RILPL1: variants seen among roughly 807,000 people sequenced by gnomAD.
RILPL1 encodes the protein RILP-like protein 1.
Under a neutral mutation model 50.3 loss-of-function variants are expected in RILPL1, and 33 were observed. The observed-to-expected ratio is 0.66, with a 90% CI of 0.50 to 0.88. RILPL1 has a LOEUF of 0.88. Among genes scored for constraint, RILPL1 ranks in the 40% least tolerant of loss-of-function variants. The pLI, the probability that RILPL1 is intolerant of heterozygous loss-of-function variation, is 0.00. For synonymous variants in RILPL1, 205 were observed against 228.6 expected (o/e 0.90, Z 0.93); for missense variants, 418 against 542.5 (o/e 0.77, Z 2.28).
intron 1 of RILPL1, among the ~76,000 whole-genome samples, chr12:123,529,873 C>A (rs374912307): frequency 1.5e-3 from 199 of 129,768 alleles, no homozygotes; most frequent in Middle Eastern, 3.8e-3. Flanking sequence ...GTCCCTGACT[C>A]AAAAAAAAAA....
chr12:123,470,495 G>T lies in RILPL1; in HGVS notation c.*2043C>A, dbSNP rs1180940488. 1 of 142,558 alleles carries T rather than the reference G, an allele frequency of 7.0e-6. No homozygotes were observed. The highest frequency in any genetic ancestry group is 1.5e-5 in the Non-Finnish European group (1 of 67,096). 8.8% of individuals were successfully genotyped at this position (142,558 alleles called of 1,614,324 possible). A position where few individuals can be genotyped will look rare whatever the true frequency, so the allele number is the denominator to read the frequency against. ...GTCCAAAAAAAAAAAAAAAAAAAAG[G>T]CCAGCCACAGTGGCTCACACCTGTA... On this transcript the variant is annotated 3_prime_UTR_variant, in exon 7 of 7. Coordinates refer to ENST00000376874, the MANE Select transcript of RILPL1 (RefSeq NM_178314.5).
rs915911127 is a variant in RILPL1, at chr12:123,517,713, C to T, written c.460+5782G>A. Among the ~76,000 whole-genome samples, 7 of 152,156 alleles carry T rather than the reference C, an allele frequency of 4.6e-5. No individual in the cohort carries two copies. The South Asian group carries it at 1.2e-3, about 27-fold the overall frequency. ...CTGGGATGACAGGCATGAGCCACCG[C>T]GCTTCTGAGAGCACCGTTGAGCTCA... is the stretch of plus-strand genomic sequence containing the variant. On this transcript the variant is annotated intron_variant, in intron 2 of 6. Coordinates refer to ENST00000376874, the MANE Select transcript of RILPL1 (RefSeq NM_178314.5).
intron 2 of RILPL1, among the ~76,000 whole-genome samples, chr12:123,514,666 TC>T (rs1390731500): frequency 4.6e-5 from 7 of 151,986 alleles, no homozygotes; most frequent in Non-Finnish European, 7.4e-5. Flanking sequence ...CCTGAAGTGA[TC>T]CACCCACCTC....
At position 123,485,550 on chromosome 12, in the gene RILPL1, G is replaced by C. The variant is rs567567055; in HGVS notation, c.974+83C>G. On this transcript the variant is annotated intron_variant, in intron 5 of 6. Coordinates refer to ENST00000376874, the MANE Select transcript of RILPL1 (RefSeq NM_178314.5). This position sits in a 1 kb window ranked among gnomAD's most constrained non-coding sequence, Gnocchi z 4.0. ...CACTGATGAAATGCTTGTCTTCCAG[G>C]GGGTAAGAAGGTAACTGTACAGAAA... 6 of 1,289,534 alleles carry C rather than the reference G, an allele frequency of 4.7e-6. No homozygotes were observed. The highest frequency in any genetic ancestry group is 4.8e-5 in the East Asian group (2 of 41,960). The allele number at this position is 1,289,534 out of a possible 1,614,324, so 79.9% of individuals were successfully genotyped here. A position where few individuals can be genotyped will look rare whatever the true frequency, so the allele number is the denominator to read the frequency against.
At chr12:123,493,793 T>G (rs1036612099) in intron 4 of RILPL1, among the ~76,000 whole-genome samples, 2 of 150,922 alleles carry the variant, frequency 1.3e-5, no homozygotes, top group Non-Finnish European at 3.0e-5. Flanking sequence ...TCTTTTTTTT[T>G]TTTTTTTTTG....
chr12:123,518,328 AC>A, intron 2 of RILPL1: 1 of 425,430 alleles, frequency 2.4e-6, no homozygotes, highest in Non-Finnish European at 4.7e-6. Flanking sequence ...ACATAGTGAG[AC>A]CCCCGTCTCT....
intron 4 of RILPL1, among the ~76,000 whole-genome samples, chr12:123,494,147 C>T (rs1454968603): frequency 2.6e-5 from 4 of 152,124 alleles, no homozygotes; most frequent in Admixed American, 6.6e-5. Context: ...CTCCCAGCTG[C>T]GCGAAACAGT....
chr12:123,494,909 A>T (rs1235149835), intron 4 of RILPL1, among the ~76,000 whole-genome samples: 1 of 152,156 alleles, frequency 6.6e-6, no homozygotes, highest in Non-Finnish European at 1.5e-5. Flanking sequence ...ACTCCCCAGC[A>T]CTGCAGACGA....
At chr12:123,475,445 G>T in intron 6 of RILPL1, 1 of 564,116 alleles carries the variant, frequency 1.8e-6, no homozygotes, top group Non-Finnish European at 3.2e-6. Context: ...AAGAATTATC[G>T]GTGACAGAGC....
At position 123,485,373 on chromosome 12, in the gene RILPL1, GC is replaced by G. The variant is rs1229527330; in HGVS notation, c.974+259del. The stretch of plus-strand genomic sequence containing the variant: ...TTTGTTGCCCAGGCTAGTCTCGAAT[GC>G]CTGGGATCAAGCAATCTTCCCGCCT... On this transcript the variant is annotated intron_variant, in intron 5 of 6. Transcript: ENST00000376874. This position sits in a 1 kb window ranked among gnomAD's most constrained non-coding sequence, Gnocchi z 4.0. The G allele has an allele frequency of 3.7e-6, 2 of 545,612 alleles. No individual in the cohort carries two copies. Among genetic ancestry groups the G allele is most frequent in the South Asian group, 1.9e-5 (1 of 51,428 alleles). 33.8% of individuals were successfully genotyped at this position (545,612 alleles called of 1,614,324 possible). A position where few individuals can be genotyped will look rare whatever the true frequency, so the allele number is the denominator to read the frequency against.
chr12:123,496,855 T>C (rs969636690), intron 4 of RILPL1, among the ~76,000 whole-genome samples: 2 of 152,236 alleles, frequency 1.3e-5, no homozygotes, highest in Non-Finnish European at 2.9e-5. Flanking sequence ...GACAGTAACA[T>C]GCACAGTGTT....
rs1330459541 is a variant in RILPL1, at chr12:123,491,218, T to C, written c.802-5413A>G. Among the ~76,000 whole-genome samples, 1 of 152,188 alleles carries C rather than the reference T, an allele frequency of 6.6e-6. No homozygotes were observed. Among genetic ancestry groups the C allele is most frequent in the Non-Finnish European group, 1.5e-5 (1 of 68,026 alleles). On this transcript the variant is annotated intron_variant, in intron 4 of 6. Coordinates refer to ENST00000376874, the MANE Select transcript of RILPL1 (RefSeq NM_178314.5). This position sits in a 1 kb window ranked among gnomAD's most constrained non-coding sequence, Gnocchi z 4.0. ...TTTCCAAGATGGCAATCGAGCTCCA[T>C]CTGCCGTGGTCCTCCTAGGCTTACT...
At chr12:123,511,107 TGTGTGTGTG>T (rs1884130637) in intron 2 of RILPL1, among the ~76,000 whole-genome samples, 1 of 117,930 alleles carries the variant, frequency 8.5e-6, no homozygotes, top group African/African-American at 3.3e-5. Flanking sequence ...GTGTTAGGTC[TGTGTGTGTG>T]GTGTGTGAGG....
At position 123,484,220 on chromosome 12, in the gene RILPL1, G is replaced by A; in HGVS notation, c.1027C>T (p.Pro343Ser). 6.2e-7 allele frequency: 1 copy of A among 1,612,170 alleles called. No homozygotes were observed. The highest frequency in any genetic ancestry group is 8.5e-7 in the Non-Finnish European group (1 of 1,178,380). Reference sequence around the variant, plus strand: ...GACTCCGGCTGGGGGGACGTCCTCGGGTGGGCGATGGGTGGGGGTTGGGGT... The same window carrying A: ...GACTCCGGCTGGGGGGACGTCCTCGAGTGGGCGATGGGTGGGGGTTGGGGT... Reference protein sequence around the residue: ...RIPQPPPIAHPRTSPQPESGI... With the variant: ...RIPQPPPIAHSRTSPQPESGI... The change falls in exon 6 of 7, where the codon CCG (proline) becomes TCG (serine). Residue 343 changes from proline (P) to serine (S), a missense_variant. Transcript: ENST00000376874.
In RILPL1 at chr12:123,491,858, T is replaced by C. The variant is rs1367803285; in HGVS notation, c.802-6053A>G. Among the ~76,000 whole-genome samples, 12 of 150,928 alleles carry C rather than the reference T, an allele frequency of 8.0e-5. No homozygotes were observed. The East Asian group carries it at 2.3e-3, about 29-fold the overall frequency. Reference sequence around the variant, plus strand: ...TGTCTCTACTAAAAATACACAAAAATGAGCTGGGTGTGGTGGCGCACACCT... The same window carrying C: ...TGTCTCTACTAAAAATACACAAAAACGAGCTGGGTGTGGTGGCGCACACCT... On this transcript the variant is annotated intron_variant, in intron 4 of 6. Transcript: ENST00000376874. The surrounding 1 kb of genome is among the most constrained non-coding windows in gnomAD (Gnocchi z 4.0).
In RILPL1 at chr12:123,485,112, T is replaced by C. The variant is rs1294595904; in HGVS notation, c.974+521A>G. 16 of 455,594 alleles carry C rather than the reference T, an allele frequency of 3.5e-5. No individual in the cohort carries two copies. The highest frequency in any genetic ancestry group is 3.3e-4 in the Admixed American group (14 of 42,522). The allele number at this position is 455,594 out of a possible 1,614,324, so 28.2% of individuals were successfully genotyped here. On this transcript the variant is annotated intron_variant, in intron 5 of 6. Transcript: ENST00000376874. The surrounding 1 kb of genome is among the most constrained non-coding windows in gnomAD (Gnocchi z 4.0). The stretch of plus-strand genomic sequence containing the variant: ...CTTCCAGCTTTCTATTCAACAGATA[T>C]TTGTTGTGCACCTACTGTGTGCCAA...
intron 2 of RILPL1, among the ~76,000 whole-genome samples, chr12:123,510,032 G>C (rs1883989548): frequency 6.6e-6 from 1 of 152,222 alleles, no homozygotes; most frequent in Non-Finnish European, 1.5e-5. Flanking sequence ...GGCCCCCCTG[G>C]ACCCTTGGGG....
chr12:123,477,337 C>CTTTTTTTTTTTTTTTTT (rs371346379), intron 6 of RILPL1, among the ~76,000 whole-genome samples: 2 of 105,372 alleles, frequency 1.9e-5, no homozygotes, highest in Non-Finnish European at 3.9e-5. Context: ...TTCTTTCTTT[C>CTTTTTTTTTTTTTTTTT]TTTTTTTTTT....
intron 5 of RILPL1, chr12:123,484,910 C>T (rs11516178): frequency 0.15 from 40,312 of 268,950 alleles, 3,564 homozygotes; most frequent in Admixed American, 0.22. Context: ...CCGCCTGCCT[C>T]GGCCTCGCAA....
Sources: gnomAD v4.1 joint callset for allele counts (sites outside exome capture counted in the v4.1 genomes callset) on GRCh38, gnomAD v4.1.1 for gene constraint, Gnocchi (gnomAD v3.1) non-coding constraint, MANE v1.5 for transcripts, NCBI Gene and HGNC (gene_info 2026-07-23, HGNC 2026-07-21) for gene names.